The following CP variants were observed in gnomAD, a reference collection of about 807,000 sequenced individuals.
The protein encoded by CP is caeruloplasmin.
A neutral mutation model predicts 122.4 loss-of-function variants in CP; 64 were observed. The observed-to-expected ratio is 0.52, with a 90% CI of 0.43 to 0.64. The LOEUF (loss-of-function observed/expected upper bound fraction) is 0.64, where lower values mean the gene tolerates loss of function less well. Among genes scored for constraint, CP ranks in the 30% least tolerant of loss-of-function variants. The pLI is 0.00. For synonymous variants in CP, 440 were observed against 436.4 expected (o/e 1.01, Z -0.10); for missense variants, 1,167 against 1,284.4 (o/e 0.91, Z 1.40).
Position 149,188,072 on chromosome 3 carries a change from T to G in CP, c.1844A>C (p.Gln615Pro), listed in dbSNP as rs990201330. 6.2e-7 allele frequency: 1 copy of G among 1,611,920 alleles called. No individual in the cohort carries two copies. The highest frequency in any genetic ancestry group is 8.5e-7 in the Non-Finnish European group (1 of 1,179,858). The change falls in exon 10 of 19, where the codon CAG becomes CCG. Residue 615 changes from glutamine to proline, a missense_variant. By Grantham distance (76) the Gln-to-Pro change is moderately conservative. Coordinates refer to ENST00000264613, the MANE Select transcript of CP (RefSeq NM_000096.4). ...DQVDKEDEDF[Q>P]ESNKMHSMNG... Reference sequence around the variant, plus strand: ...CTTACAGTGCATTTTATTAGATTCCTGAAAGTCTTCATCTTCCTTATCCAC... The same window carrying G: ...CTTACAGTGCATTTTATTAGATTCCGGAAAGTCTTCATCTTCCTTATCCAC...
chr3:149,173,647 C>T lies in CP; in HGVS notation c.*67G>A. The T allele has an allele frequency of 9.6e-7, 1 of 1,036,802 alleles. No individual in the cohort carries two copies. Among genetic ancestry groups the T allele is most frequent in the South Asian group, 1.4e-5 (1 of 69,398 alleles). 64.2% of individuals were successfully genotyped at this position (1,036,802 alleles called of 1,614,324 possible). ...TTCCAAAGTAACATTCTATTTTACA[C>T]TTTCACATACATTGTTATGAATCAT... On this transcript the variant is annotated 3_prime_UTR_variant, in exon 19 of 19. Transcript: ENST00000264613.
At chr3:149,167,625 G>A (rs1221869230), downstream of CP, among the ~76,000 whole-genome samples, 7 of 152,068 alleles carry the variant, frequency 4.6e-5, no homozygotes, top group African/African-American at 9.6e-5. Context: ...AGATGATAAC[G>A]GGATATGTCT....
downstream of CP, chr3:149,172,495 T>C (rs1725103264): frequency 3.2e-6 from 1 of 312,744 alleles, no homozygotes; most frequent in Non-Finnish European, 6.1e-6. Context: ...AAAGAAGCCA[T>C]ACATTTTTTA....
intron 4 of CP, 54 bp from the exon 5 acceptor site, chr3:149,207,671 G>A (rs1727840129): frequency 1.3e-6 from 2 of 1,579,966 alleles, no homozygotes; most frequent in Non-Finnish European, 1.7e-6. Context: ...TTGAGATAGT[G>A]AGAGTTACCT....
At chr3:149,217,825 T>A (rs1728563575) in intron 1 of CP, 1 of 402,656 alleles carries the variant, frequency 2.5e-6, no homozygotes, top group South Asian at 1.9e-5. Context: ...ACTTATTATA[T>A]CCTGATCACT....
chr3:149,164,367 G>A (rs1255775874), intron 5 of CP, among the ~76,000 whole-genome samples: 1 of 152,130 alleles, frequency 6.6e-6, no homozygotes, highest in Non-Finnish European at 1.5e-5. Context: ...ATAGGAAACA[G>A]GTCAAAGTAG....
chr3:149,176,809 A>C (rs1417041545), intron 17 of CP: 1 of 163,184 alleles, frequency 6.1e-6, no homozygotes, highest in Non-Finnish European at 1.3e-5. Context: ...GTCAAGGTAA[A>C]TAATAAAGGA....
At chr3:149,176,637 T>C in intron 17 of CP, 1 of 509,268 alleles carries the variant, frequency 2.0e-6, no homozygotes, top group Non-Finnish European at 3.5e-6. Flanking sequence ...GTGATGAGAA[T>C]GAATTCATCA....
rs917684664 is a variant in CP, at chr3:149,198,373, C to T, written c.1707G>A (p.Gly569=). Residue 569 remains glycine (G), a synonymous_variant, in exon 9 of 19, where the codon GGG becomes GGA. Transcript: ENST00000264613. ...TTTCCCCAGTTGGACTTACCTGTCT[C>T]CCATTTGCATGTAAACTTCCTTTCT... The part of the protein sequence containing the change: ...ICKKGSLHAN[G]RQKDVDKEFY... The T allele has an allele frequency of 1.5e-5, 24 of 1,613,676 alleles. No individual in the cohort carries two copies. The highest frequency in any genetic ancestry group is 1.9e-5 in the Non-Finnish European group (23 of 1,179,694).
downstream of CP, chr3:149,167,954 AG>A: frequency 6.3e-7 from 1 of 1,597,074 alleles, no homozygotes; most frequent in Non-Finnish European, 8.6e-7. Context: ...GGTGGAGAGA[AG>A]TATCAACTCT....
chr3:149,202,183 G>C lies in CP; in HGVS notation c.1267C>G (p.Leu423Val). The C allele has an allele frequency of 6.2e-7, 1 of 1,614,102 alleles. No homozygotes were observed. Among genetic ancestry groups the C allele is most frequent in the South Asian group, 1.1e-5 (1 of 91,080 alleles). The change falls in exon 7 of 19, where the codon CTG (leucine) becomes GTG (valine). Residue 423 changes from leucine to valine, a missense_variant. Coordinates refer to ENST00000264613, the MANE Select transcript of CP (RefSeq NM_000096.4). ...TTRIGGSYKK[L>V]VYREYTDASF... is the part of the protein sequence containing the mutation. ...GCATCTGTGTACTCACGATAAACCA[G>C]CTTTTTATAAGAGCCTCCAATTCTT...
At chr3:149,217,705 G>A (rs572335598) in intron 1 of CP, among the ~76,000 whole-genome samples, 134 of 152,228 alleles carry the variant, frequency 8.8e-4, no homozygotes, top group African/African-American at 2.8e-3. Context: ...ATTAGTGCAA[G>A]CTTTTTCTTT....
rs755865104 is a variant in CP, at chr3:149,210,123, C to T, written c.607+44G>A. 2.5e-6 allele frequency: 4 copies of T among 1,576,672 alleles called. No homozygotes were observed. The Admixed American group carries it at 6.7e-5, about 26-fold the overall frequency. ...TTTTAAAAGACAAACTGCCCTGCCC[C>T]TGTCTTTTGGTCATATAGCATGTGC... On this transcript the variant is annotated intron_variant, in intron 3 of 18. Coordinates refer to ENST00000264613, the MANE Select transcript of CP (RefSeq NM_000096.4).
intron 17 of CP, 152 bp downstream of exon 17, chr3:149,177,688 G>A (rs552120672): frequency 1.2e-5 from 10 of 838,404 alleles, no homozygotes; most frequent in Non-Finnish European, 2.0e-5. Flanking sequence ...TTCAATCCAT[G>A]ATTGAATCCT....
chr3:149,163,970 T>G, intron 5 of CP: 1 of 1,177,340 alleles, frequency 8.5e-7, no homozygotes, highest in Non-Finnish European at 1.3e-6. Flanking sequence ...ATACCTCCTT[T>G]TCTTATGAAA....
At chr3:149,191,273 C>A (rs1164546641) in intron 9 of CP, among the ~76,000 whole-genome samples, 1 of 137,230 alleles carries the variant, frequency 7.3e-6, no homozygotes, top group Middle Eastern at 4.0e-3. Context: ...TGCAGAACTG[C>A]TCACTTTCTG....
chr3:149,181,975 C>CCGGGGGGGGGGGGGGG, intron 14 of CP, 30 bp downstream of exon 14: 1 of 1,088,426 alleles, frequency 9.2e-7, no homozygotes, highest in Non-Finnish European at 1.4e-6. Flanking sequence ...TGTTAAAATG[C>CCGGGGGGGGGGGGGGG]ACCACCCCCA....
chr3:149,193,401 T>C (rs960016962), intron 9 of CP, among the ~76,000 whole-genome samples: 3 of 152,188 alleles, frequency 2.0e-5, no homozygotes, highest in African/African-American at 7.2e-5. Flanking sequence ...GATCATGAAA[T>C]ACTTTGCAGT....
At chr3:149,217,904 C>A in intron 1 of CP, 1 of 449,696 alleles carries the variant, frequency 2.2e-6, no homozygotes, top group Non-Finnish European at 4.6e-6. Context: ...GTTTTTTGGT[C>A]AGGATTTGAG....
Sources: gnomAD v4.1 joint callset for allele counts (sites outside exome capture counted in the v4.1 genomes callset) on GRCh38, gnomAD v4.1.1 for gene constraint, MANE v1.5 for transcripts, NCBI Gene and HGNC (gene_info 2026-07-23, HGNC 2026-07-21) for gene names.